Variants in PTCHD4 observed in about 807,000 individuals in gnomAD.
PTCHD4 encodes patched domain containing 4, also known as patched domain-containing protein 4.
A neutral mutation model predicts 58.1 loss-of-function variants in PTCHD4; 33 were observed. The observed-to-expected ratio is 0.57, with a 90% CI of 0.43 to 0.76. The LOEUF (loss-of-function observed/expected upper bound fraction) is 0.76, where lower values mean the gene tolerates loss of function less well. Among genes scored for constraint, PTCHD4 ranks in the 30% least tolerant of loss-of-function variants. The pLI is 0.00. For missense variants in PTCHD4, 1,058 were observed against 1,027.1 expected, an observed-to-expected ratio of 1.03 and a Z score of -0.41; for synonymous variants, 478 against 409.6, an observed-to-expected ratio of 1.17 and a Z score of -2.02.
Position 47,875,902 on chromosome 6 carries a change from G to GGTGAAT in PTCHD4, c.*2395_*2400dup, listed in dbSNP as rs1417681608. Among the ~76,000 whole-genome samples the GGTGAAT allele has an allele frequency of 6.6e-6, 1 of 151,740 alleles. No individual in the cohort carries two copies. Among genetic ancestry groups the GGTGAAT allele is most frequent in the East Asian group, 1.9e-4 (1 of 5,148 alleles). On this transcript the variant is annotated 3_prime_UTR_variant, in exon 5 of 5. Coordinates refer to ENST00000339488, the MANE Select transcript of PTCHD4 (RefSeq NM_001384253.1). ...CCAATAGCCAATCTTTTAAAAAATA[G>GGTGAAT]GTGAATGAGTGGAGCATGGCACACA...
At position 47,859,894 on chromosome 6, in the gene PTCHD4, G is replaced by T. The variant is rs1763381896; in HGVS notation, c.*18409C>A. Among the ~76,000 whole-genome samples the T allele has an allele frequency of 6.6e-6, 1 of 151,982 alleles. No individual in the cohort carries two copies. Among genetic ancestry groups the T allele is most frequent in the South Asian group, 2.1e-4 (1 of 4,830 alleles). On this transcript the variant is annotated 3_prime_UTR_variant, in exon 5 of 5. Coordinates refer to ENST00000339488, the MANE Select transcript of PTCHD4 (RefSeq NM_001384253.1). ...ACTGCAATGACAAAAGACCAAAGGG[G>T]GTGCATGGTTGATGCAGAGAGAACA...
intron 3 of PTCHD4, among the ~76,000 whole-genome samples, chr6:48,047,456 T>G (rs1345187561): frequency 6.6e-6 from 1 of 151,882 alleles, no homozygotes. Flanking sequence ...TTATGTCTTA[T>G]AGAGTCAACC....
chr6:48,002,641 G>A (rs1324943479), intron 4 of PTCHD4, among the ~76,000 whole-genome samples: 1 of 151,938 alleles, frequency 6.6e-6, no homozygotes, highest in African/African-American at 2.4e-5. Context: ...GATAGCATTA[G>A]GAGATATACC....
rs188600766 is a variant in PTCHD4 at position 48,047,855 on chromosome 6, C to T, written c.417+20375G>A. ...TGATTTTTCAAACTCCACAACTGTG[C>T]GAAATAAATCTTCGTTGTTTAAGTC... is the stretch of plus-strand genomic sequence containing the variant. On this transcript the variant is annotated intron_variant, in intron 3 of 4. Coordinates refer to ENST00000339488, the MANE Select transcript of PTCHD4 (RefSeq NM_001384253.1). 7.8e-4 allele frequency among the ~76,000 whole-genome samples: 119 copies of T among 151,800 alleles called. 1 individual carries two copies. The East Asian group carries it at 0.018, about 23-fold the overall frequency.
In PTCHD4 at chr6:48,068,659, A is replaced by G; in HGVS notation, c.6-18T>C. 1 of 1,532,910 alleles carries G rather than the reference A, an allele frequency of 6.5e-7. No homozygotes were observed. Among genetic ancestry groups the G allele is most frequent in the Non-Finnish European group, 8.7e-7 (1 of 1,144,430 alleles). 95.0% of individuals were successfully genotyped at this position (1,532,910 alleles called of 1,614,324 possible). A position where few individuals can be genotyped will look rare whatever the true frequency, so the allele number is the denominator to read the frequency against. On this transcript the variant is annotated intron_variant, in intron 2 of 4. Coordinates refer to ENST00000339488, the MANE Select transcript of PTCHD4 (RefSeq NM_001384253.1). The surrounding 1 kb of genome is among the most constrained non-coding windows in gnomAD (Gnocchi z 4.2). ...CCGGCCGTCTTAAAAAGCACATGTG[A>G]CATGTGTAAGCGCCGGGCTACCCCG...
intron 1 of PTCHD4, among the ~76,000 whole-genome samples, chr6:48,108,625 A>G (rs1765797991): frequency 6.6e-6 from 1 of 151,736 alleles, no homozygotes; most frequent in Non-Finnish European, 1.5e-5. Flanking sequence ...ATAAATAAAT[A>G]AAAATAAAAA....
chr6:48,074,163 C>T (rs912820530), intron 1 of PTCHD4, among the ~76,000 whole-genome samples: 5 of 151,788 alleles, frequency 3.3e-5, no homozygotes, highest in African/African-American at 9.7e-5. Flanking sequence ...AGGGCGTATC[C>T]GAGATATAAC....
intron 1 of PTCHD4, among the ~76,000 whole-genome samples, chr6:48,104,296 T>A (rs1765671615): frequency 6.6e-6 from 1 of 152,170 alleles, no homozygotes; most frequent in African/African-American, 2.4e-5. Context: ...AGGCCAATAT[T>A]CAACATTCTT....
At chr6:47,960,521 C>A (rs948819113) in intron 4 of PTCHD4, among the ~76,000 whole-genome samples, 2 of 151,948 alleles carry the variant, frequency 1.3e-5, no homozygotes, top group African/African-American at 4.8e-5. Context: ...AAATTTATAT[C>A]ATGCTGACGT....
intron 1 of PTCHD4, among the ~76,000 whole-genome samples, chr6:48,084,110 T>C (rs1461214584): frequency 6.6e-6 from 1 of 152,182 alleles, no homozygotes; most frequent in Non-Finnish European, 1.5e-5. Context: ...CAAATATTAA[T>C]CTCTTAATGT....
chr6:47,862,802 T>C lies in PTCHD4; in HGVS notation c.*15501A>G, dbSNP rs896707467. The stretch of plus-strand genomic sequence containing the variant: ...GTTTCCTTTGGAATTGTAATACTCA[T>C]CTGCTCTTCAGTAACAAAGACAGGC... On this transcript the variant is annotated 3_prime_UTR_variant, in exon 5 of 5. Coordinates refer to ENST00000339488, the MANE Select transcript of PTCHD4 (RefSeq NM_001384253.1). Among the ~76,000 whole-genome samples, 3 of 151,922 alleles carry C rather than the reference T, an allele frequency of 2.0e-5. No homozygotes were observed. Among genetic ancestry groups the C allele is most frequent in the African/African-American group, 7.2e-5 (3 of 41,422 alleles).
intron 1 of PTCHD4, among the ~76,000 whole-genome samples, chr6:48,071,419 G>T (rs1764972489): frequency 6.6e-6 from 1 of 152,062 alleles, no homozygotes; most frequent in South Asian, 2.1e-4. Flanking sequence ...AAACCATTTT[G>T]CAAAATAAAA....
At chr6:47,921,214 AT>A (rs1387349698) in intron 4 of PTCHD4, among the ~76,000 whole-genome samples, 1 of 152,086 alleles carries the variant, frequency 6.6e-6, no homozygotes, top group Non-Finnish European at 1.5e-5. Flanking sequence ...ATTATTCAGC[AT>A]TTTTTTCTTT....
intron 4 of PTCHD4, among the ~76,000 whole-genome samples, chr6:47,994,397 C>A (rs1410037093): frequency 6.6e-6 from 1 of 152,170 alleles, no homozygotes; most frequent in Admixed American, 6.5e-5. Flanking sequence ...GTCCTAGGCC[C>A]TCTACTAGTT....
At chr6:48,047,707 T>C (rs1336371267) in intron 3 of PTCHD4, among the ~76,000 whole-genome samples, 3 of 151,792 alleles carry the variant, frequency 2.0e-5, no homozygotes, top group Non-Finnish European at 4.4e-5. Context: ...AGTGTTTTTA[T>C]TAAAGAGCCC....
In PTCHD4 at chr6:48,068,658, G is replaced by C. The variant is rs772106424; in HGVS notation, c.6-17C>G. 2.6e-6 allele frequency: 4 copies of C among 1,533,778 alleles called. No individual in the cohort carries two copies. The African/African-American group carries it at 5.5e-5, about 21-fold the overall frequency. The stretch of plus-strand genomic sequence containing the variant: ...CCCGGCCGTCTTAAAAAGCACATGT[G>C]ACATGTGTAAGCGCCGGGCTACCCC... On this transcript the variant is annotated splice_polypyrimidine_tract_variant and intron_variant, in intron 2 of 4. Transcript: ENST00000339488. The surrounding 1 kb of genome is among the most constrained non-coding windows in gnomAD (Gnocchi z 4.2).
At position 47,861,534 on chromosome 6, in the gene PTCHD4, C is replaced by A. The variant is rs1291198439; in HGVS notation, c.*16769G>T. Among the ~76,000 whole-genome samples the A allele has an allele frequency of 6.6e-6, 1 of 151,812 alleles. No individual in the cohort carries two copies. Among genetic ancestry groups the A allele is most frequent in the African/African-American group, 2.4e-5 (1 of 41,382 alleles). The stretch of plus-strand genomic sequence containing the variant: ...AGGCATCCTTGCCTTCCTATCTTAC[C>A]ATTTTGTCCAAAACACATCTAGTAC... On this transcript the variant is annotated 3_prime_UTR_variant, in exon 5 of 5. Coordinates refer to ENST00000339488, the MANE Select transcript of PTCHD4 (RefSeq NM_001384253.1).
intron 1 of PTCHD4, among the ~76,000 whole-genome samples, chr6:48,108,183 A>G (rs1389685223): frequency 1.3e-5 from 2 of 152,208 alleles, no homozygotes; most frequent in Non-Finnish European, 2.9e-5. Context: ...TCACAATAGC[A>G]AAGACTTGGA....
At chr6:47,924,172 C>G (rs558703028) in intron 4 of PTCHD4, among the ~76,000 whole-genome samples, 13 of 152,120 alleles carry the variant, frequency 8.5e-5, no homozygotes, top group Non-Finnish European at 1.3e-4. Context: ...CCCCTCATCC[C>G]GAGCTGCTGT....
Sources: gnomAD v4.1 joint callset for allele counts (sites outside exome capture counted in the v4.1 genomes callset) on GRCh38, gnomAD v4.1.1 for gene constraint, Gnocchi (gnomAD v3.1) non-coding constraint, MANE v1.5 for transcripts, NCBI Gene and HGNC (gene_info 2026-07-23, HGNC 2026-07-21) for gene names.